The following PRELID2 variants were observed in gnomAD, a reference collection of about 807,000 sequenced individuals.
The protein encoded by PRELID2 is PRELI domain-containing protein 2.
In PRELID2, 25 loss-of-function variants were observed where a neutral mutation model predicts 28.4. The ratio of observed to expected loss-of-function variants is 0.88; its 90% CI spans 0.64 to 1.23. The LOEUF is 1.23. Ranked by LOEUF, PRELID2 falls within the 50% of genes most tolerant of loss-of-function variation. The pLI, the probability that PRELID2 is intolerant of heterozygous loss-of-function variation, is 0.00. For synonymous variants in PRELID2, 76 were observed against 71.6 expected (o/e 1.06, Z -0.31); for missense variants, 201 against 214.4 (o/e 0.94, Z 0.39).
intron 1 of PRELID2, among the ~76,000 whole-genome samples, chr5:145,612,538 T>C (rs1005010624): frequency 1.3e-5 from 2 of 152,194 alleles, no homozygotes; most frequent in Non-Finnish European, 2.9e-5. Flanking sequence ...TGGCAATTTT[T>C]GAGATTTTGG....
intron 1 of PRELID2, among the ~76,000 whole-genome samples, chr5:145,556,191 A>G (rs1180375015): frequency 3.3e-5 from 5 of 151,594 alleles, no homozygotes; most frequent in African/African-American, 4.9e-5. Flanking sequence ...AAAAAAAAAA[A>G]AAAAAAGAAA....
chr5:145,540,465 A>C (rs1424033235), intron 1 of PRELID2, among the ~76,000 whole-genome samples: 2 of 151,952 alleles, frequency 1.3e-5, no homozygotes, highest in Admixed American at 6.6e-5. Context: ...TGGTGTGTCC[A>C]TCCAATGTAA....
intron 1 of PRELID2, among the ~76,000 whole-genome samples, chr5:145,478,023 A>C (rs1752119400): frequency 6.6e-6 from 1 of 152,148 alleles, no homozygotes; most frequent in Non-Finnish European, 1.5e-5. Flanking sequence ...AAGAACCTTA[A>C]AGACCACTTT....
chr5:145,378,077 G>A, the PRELID2 span, among the ~76,000 whole-genome samples: 1 of 152,098 alleles, frequency 6.6e-6, no homozygotes, highest in African/African-American at 2.4e-5. Flanking sequence ...ATAAAATTCT[G>A]GATTGGAATT....
intron 1 of PRELID2, among the ~76,000 whole-genome samples, chr5:145,603,116 A>C (rs551601997): frequency 6.6e-6 from 1 of 151,822 alleles, no homozygotes; most frequent in Non-Finnish European, 1.5e-5. Context: ...CATGATGAGA[A>C]GACCTCACAT....
At chr5:145,298,573 A>T in the PRELID2 span, among the ~76,000 whole-genome samples, 28 of 152,158 alleles carry the variant, frequency 1.8e-4, no homozygotes, top group South Asian at 4.1e-4. Flanking sequence ...GATTACTGCC[A>T]TCATAAAGGG....
the PRELID2 span, among the ~76,000 whole-genome samples, chr5:145,331,825 G>A: frequency 6.6e-6 from 1 of 152,104 alleles, no homozygotes; most frequent in Admixed American, 6.5e-5. Context: ...ATGCTAGCTG[G>A]TTATTTTCCC....
At chr5:145,536,420 A>G (rs1439773458) in intron 1 of PRELID2, among the ~76,000 whole-genome samples, 2 of 151,972 alleles carry the variant, frequency 1.3e-5, no homozygotes, top group Non-Finnish European at 2.9e-5. Flanking sequence ...AACGGGAAGT[A>G]AATCATTTCA....
the PRELID2 span, among the ~76,000 whole-genome samples, chr5:145,456,169 C>T: frequency 2.5e-4 from 38 of 152,282 alleles, no homozygotes; most frequent in Middle Eastern, 0.014. Flanking sequence ...GACTTTACAC[C>T]AACTATGTAA....
At chr5:145,644,204 C>G (rs1025822439) in intron 1 of PRELID2, among the ~76,000 whole-genome samples, 15 of 136,942 alleles carry the variant, frequency 1.1e-4, no homozygotes, top group African/African-American at 4.9e-4. Context: ...TGGTATTGGT[C>G]TATTAAGGAT....
chr5:145,808,407 T>A (rs1400194702), intron 4 of PRELID2, among the ~76,000 whole-genome samples: 1 of 152,082 alleles, frequency 6.6e-6, no homozygotes, highest in Non-Finnish European at 1.5e-5. Flanking sequence ...CCAAAAAATA[T>A]GCCCAATTAG....
At chr5:145,741,495 T>C in intron 1 of PRELID2, among the ~76,000 whole-genome samples, 1 of 123,190 alleles carries the variant, frequency 8.1e-6, no homozygotes, top group Non-Finnish European at 1.6e-5. Flanking sequence ...AAATAAATTA[T>C]ATATAAAATT....
the PRELID2 span, among the ~76,000 whole-genome samples, chr5:145,296,976 C>T: frequency 3.7e-4 from 56 of 152,068 alleles, no homozygotes; most frequent in East Asian, 1.2e-3. Context: ...GTTTTTTGGC[C>T]GCATAAATGT....
At chr5:145,699,274 T>G (rs1755353565) in intron 1 of PRELID2, among the ~76,000 whole-genome samples, 1 of 152,098 alleles carries the variant, frequency 6.6e-6, no homozygotes. Flanking sequence ...AAGAGGAGCC[T>G]TGCTGCAATG....
chr5:145,512,755 G>A (rs1392824393), intron 1 of PRELID2, among the ~76,000 whole-genome samples: 2 of 152,142 alleles, frequency 1.3e-5, no homozygotes, highest in African/African-American at 4.8e-5. Context: ...CATCTGGTGG[G>A]TGCCCCTCTG....
chr5:145,679,356 T>G (rs1183688358), intron 1 of PRELID2, among the ~76,000 whole-genome samples: 1 of 152,232 alleles, frequency 6.6e-6, no homozygotes, highest in Non-Finnish European at 1.5e-5. Flanking sequence ...AACTCAAAAG[T>G]TGAGATGTCA....
the PRELID2 span, among the ~76,000 whole-genome samples, chr5:145,313,959 T>C: frequency 6.6e-6 from 1 of 152,252 alleles, no homozygotes; most frequent in Non-Finnish European, 1.5e-5. Flanking sequence ...ACTCTTGTTC[T>C]GATGGCCGTT....
the PRELID2 span, among the ~76,000 whole-genome samples, chr5:145,438,231 C>T: frequency 6.6e-6 from 1 of 151,918 alleles, no homozygotes; most frequent in African/African-American, 2.4e-5. Flanking sequence ...AAATAAATCA[C>T]TCCTCACTGT....
intron 1 of PRELID2, among the ~76,000 whole-genome samples, chr5:145,474,755 G>C (rs575279362): frequency 1.2e-4 from 19 of 152,240 alleles, no homozygotes; most frequent in African/African-American, 4.3e-4. Flanking sequence ...GTTGGGATGT[G>C]CATGCTACAG....
Sources: allele counts gnomAD v4.1 joint callset (sites outside exome capture counted in the v4.1 genomes callset), GRCh38; gene constraint gnomAD v4.1.1; transcripts MANE v1.5; gene names NCBI Gene and HGNC (gene_info 2026-07-23, HGNC 2026-07-21).